RPL34: variants seen among roughly 807,000 people sequenced by gnomAD.
RPL34 encodes the protein large ribosomal subunit protein eL34.
In RPL34, 2 loss-of-function variants were observed where a neutral mutation model predicts 16.3. The observed-to-expected ratio is 0.12, with a 90% CI of 0.05 to 0.39. The LOEUF (loss-of-function observed/expected upper bound fraction) is 0.39. Ranked by LOEUF, RPL34 falls within the 10% of genes least tolerant of loss-of-function variation. The pLI is 0.99. For synonymous variants in RPL34, 47 were observed against 48.5 expected (o/e 0.97, Z 0.13); for missense variants, 82 against 148.8 (o/e 0.55, Z 2.33).
At chr4:108,622,840 G>A in intron 4 of RPL34, 2 of 411,018 alleles carry the variant, frequency 4.9e-6, no homozygotes, top group Non-Finnish European at 8.6e-6. Context: ...AAGGAACTTG[G>A]TTTTGTTCAG....
intron 4 of RPL34, 67 bp downstream of exon 4, chr4:108,622,685 A>T: frequency 1.0e-6 from 1 of 966,962 alleles, no homozygotes; most frequent in East Asian, 2.5e-5. Flanking sequence ...TCTGCTGATC[A>T]GTACAATGGT....
chr4:108,626,808 A>G (rs996567048), downstream of RPL34, among the ~76,000 whole-genome samples: 4 of 152,176 alleles, frequency 2.6e-5, no homozygotes, highest in East Asian at 1.9e-4. Context: ...TTGAGCCATC[A>G]TGGAATGCAG....
downstream of RPL34, among the ~76,000 whole-genome samples, chr4:108,626,681 C>T (rs566759666): frequency 4.7e-4 from 72 of 152,120 alleles, 1 homozygote; most frequent in Admixed American, 4.2e-3. Context: ...TCAAGTGATC[C>T]GCCCACCTTG....
intron 4 of RPL34, among the ~76,000 whole-genome samples, chr4:108,624,757 G>A (rs1404902718): frequency 1.3e-5 from 2 of 152,090 alleles, no homozygotes; most frequent in South Asian, 2.1e-4. Flanking sequence ...AGCCCCTTAT[G>A]TGTTGTTTTT....
chr4:108,625,381 T>C (rs571188542), downstream of RPL34: 57 of 506,140 alleles, frequency 1.1e-4, no homozygotes, highest in East Asian at 4.1e-4. Context: ...TTTGTTTGTT[T>C]TTGGTTTGGT....
intron 1 of RPL34, chr4:108,621,446 T>C (rs1159146524): frequency 6.2e-6 from 1 of 161,192 alleles, no homozygotes; most frequent in Non-Finnish European, 1.4e-5. Flanking sequence ...TGAACCCTGA[T>C]ATGTGCCAGG....
At chr4:108,629,275 G>T (rs1218579158), downstream of RPL34, among the ~76,000 whole-genome samples, 1 of 152,094 alleles carries the variant, frequency 6.6e-6, no homozygotes, top group African/African-American at 2.4e-5. Context: ...TCTTTTCAAA[G>T]AATATTTTAG....
chr4:108,626,140 A>G (rs1456044910), downstream of RPL34, among the ~76,000 whole-genome samples: 2 of 152,124 alleles, frequency 1.3e-5, no homozygotes, highest in Non-Finnish European at 2.9e-5. Context: ...CTTGGGAACT[A>G]TGTAGTGTTT....
chr4:108,622,703 C>T (rs1477495005), intron 4 of RPL34, 85 bp downstream of exon 4: 1 of 793,722 alleles, frequency 1.3e-6, no homozygotes. Context: ...GGTGAAGCAA[C>T]TCATTTTAAA....
chr4:108,622,549 T>G lies in RPL34; in HGVS notation c.200T>G (p.Leu67Trp), dbSNP rs1725829025. Reference protein sequence around the residue: ...RAVRPKVLMRLSKTKKHVSRA... With the variant: ...RAVRPKVLMRWSKTKKHVSRA... ...GTAAGACCTAAAGTTCTTATGAGAT[T>G]GTCCAAAACAAAGAAACATGTCAGC... The change falls in exon 4 of 5, where the codon TTG becomes TGG. Residue 67 changes from leucine to tryptophan, a missense_variant. By Grantham distance (61) the Leu-to-Trp change is moderately conservative. Coordinates refer to ENST00000394667, the MANE Select transcript of RPL34 (RefSeq NM_001319236.2). 1 of 1,611,082 alleles carries G rather than the reference T, an allele frequency of 6.2e-7. No individual in the cohort carries two copies. The highest frequency in any genetic ancestry group is 8.5e-7 in the Non-Finnish European group (1 of 1,179,194).
At chr4:108,622,965 A>C (rs545918857) in intron 4 of RPL34, 1 of 180,822 alleles carries the variant, frequency 5.5e-6, no homozygotes, top group Non-Finnish European at 1.2e-5. Flanking sequence ...AAGGTGTTAA[A>C]AGTGTAGGAA....
intron 1 of RPL34, chr4:108,621,546 T>C (rs1725772961): frequency 8.8e-6 from 2 of 226,064 alleles, no homozygotes; most frequent in Admixed American, 1.0e-4. Context: ...ATAAGGAGGC[T>C]AGCTCCTTGC....
At chr4:108,626,141 T>C (rs993776621), downstream of RPL34, among the ~76,000 whole-genome samples, 1 of 152,182 alleles carries the variant, frequency 6.6e-6, no homozygotes, top group African/African-American at 2.4e-5. Flanking sequence ...TTGGGAACTA[T>C]GTAGTGTTTC....
chr4:108,624,484 C>T (rs151024272), intron 4 of RPL34, among the ~76,000 whole-genome samples: 200 of 152,242 alleles, frequency 1.3e-3, no homozygotes, highest in African/African-American at 4.6e-3. Context: ...AGGTCCTGTG[C>T]AACACTGTAA....
chr4:108,627,169 G>A (rs529766214), downstream of RPL34, among the ~76,000 whole-genome samples: 24 of 152,112 alleles, frequency 1.6e-4, no homozygotes, highest in East Asian at 4.7e-3. Context: ...AACCCGGGAG[G>A]CAGAGGTTGC....
chr4:108,620,924 C>G (rs1029582123), intron 1 of RPL34: 4 of 152,342 alleles, frequency 2.6e-5, no homozygotes, highest in African/African-American at 9.7e-5. Flanking sequence ...ATATTTTACA[C>G]CCACGTTTTC....
At chr4:108,628,631 A>C (rs1251609354), downstream of RPL34, among the ~76,000 whole-genome samples, 1 of 152,216 alleles carries the variant, frequency 6.6e-6, no homozygotes, top group Non-Finnish European at 1.5e-5. Flanking sequence ...AGCTGGTGGG[A>C]ACTAGCAAGT....
At chr4:108,625,380 TTTTGG>T (rs1276544225), downstream of RPL34, 4 of 519,696 alleles carry the variant, frequency 7.7e-6, no homozygotes, top group African/African-American at 5.8e-5. Flanking sequence ...GTTTGTTTGT[TTTTGG>T]TTTGGTTTGG....
chr4:108,622,866 GTC>G (rs1453643463), intron 4 of RPL34: 4 of 374,932 alleles, frequency 1.1e-5, no homozygotes, highest in African/African-American at 2.1e-5. Context: ...GGGTAAGAAA[GTC>G]TCTGTTAGTG....
Sources: gnomAD v4.1 joint callset for allele counts (sites outside exome capture counted in the v4.1 genomes callset) on GRCh38, gnomAD v4.1.1 for gene constraint, MANE v1.5 for transcripts, NCBI Gene and HGNC (gene_info 2026-07-23, HGNC 2026-07-21) for gene names.